CC2D2A: variants seen among roughly 807,000 people sequenced by gnomAD.
CC2D2A encodes coiled-coil and C2 domain-containing protein 2A.
CC2D2A carries 155 observed loss-of-function variants against 212.9 expected under a neutral mutation model. That is an observed-to-expected ratio of 0.73 (90% CI 0.64 to 0.83). The LOEUF (loss-of-function observed/expected upper bound fraction) is 0.83, where lower values mean the gene tolerates loss of function less well. CC2D2A is among the 40% of genes least tolerant of loss of function. The pLI, the probability that CC2D2A is intolerant of heterozygous loss-of-function variation, is 0.00. For missense variants in CC2D2A, 1,856 were observed against 1,956.2 expected (o/e 0.95, Z 0.97); for synonymous variants, 667 against 686.5 (o/e 0.97, Z 0.44).
Position 15,479,024 on chromosome 4 carries a change from G to T in CC2D2A, c.123+218G>T, listed in dbSNP as rs139952452. 2.0e-5 allele frequency among the ~76,000 whole-genome samples: 3 copies of T among 152,206 alleles called. No individual in the cohort carries two copies. In the East Asian group the frequency reaches 5.8e-4, roughly 29 times the overall value. On this transcript the variant is annotated intron_variant, in intron 3 of 36. Coordinates refer to ENST00000424120, the MANE Select transcript of CC2D2A (RefSeq NM_001378615.1). ...AGATGAGCCTCACAATAAGGCGGGGGTCCATACTTAGAGCATTTTTACTCT... is the reference window on the plus strand; with the variant it reads ...AGATGAGCCTCACAATAAGGCGGGGTTCCATACTTAGAGCATTTTTACTCT...
At chr4:15,558,503 G>A (rs1719403190) in intron 21 of CC2D2A, among the ~76,000 whole-genome samples, 1 of 151,926 alleles carries the variant, frequency 6.6e-6, no homozygotes, top group South Asian at 2.1e-4. Context: ...TTGATGTGTT[G>A]GCATCATGCT....
chr4:15,522,884 C>T (rs1251901822), intron 11 of CC2D2A, among the ~76,000 whole-genome samples: 2 of 151,558 alleles, frequency 1.3e-5, no homozygotes, highest in African/African-American at 4.8e-5. Flanking sequence ...TTTGGGAGGC[C>T]GAGGTGGGCA....
intron 31 of CC2D2A, among the ~76,000 whole-genome samples, chr4:15,586,658 T>C (rs369729684): frequency 6.6e-6 from 1 of 152,202 alleles, no homozygotes; most frequent in East Asian, 1.9e-4. Flanking sequence ...ACTTACCACA[T>C]ACCAGATGCT....
At chr4:15,600,911 A>AG (rs1721559974) in intron 36 of CC2D2A, among the ~76,000 whole-genome samples, 3 of 129,140 alleles carry the variant, frequency 2.3e-5, no homozygotes, top group African/African-American at 8.2e-5. Context: ...CTCAAAAAAA[A>AG]AAAAAAAAAA....
At chr4:15,481,831 G>A (rs767498520) in intron 4 of CC2D2A, 4 of 985,436 alleles carry the variant, frequency 4.1e-6, no homozygotes, top group Admixed American at 1.2e-4. Flanking sequence ...AGATGAAATT[G>A]TTAGGGAAGA....
chr4:15,574,493 G>C (rs530180342), intron 29 of CC2D2A, among the ~76,000 whole-genome samples, 167 bp downstream of exon 29: 2 of 152,192 alleles, frequency 1.3e-5, no homozygotes, highest in Non-Finnish European at 1.5e-5. Flanking sequence ...GAAAACAGAT[G>C]TGTGGGTTTG....
At chr4:15,490,774 C>T (rs1715255505) in intron 4 of CC2D2A, among the ~76,000 whole-genome samples, 1 of 152,104 alleles carries the variant, frequency 6.6e-6, no homozygotes, top group Admixed American at 6.5e-5. Flanking sequence ...CACAAGCAGA[C>T]AGCCTGGCGC....
chr4:15,601,404 C>T lies in CC2D2A; in HGVS notation c.4842C>T (p.Ala1614=). The change falls in exon 37 of 37, where the codon GCC becomes GCT. Residue 1614 remains alanine (A), a synonymous_variant. Transcript: ENST00000424120. ...KNVLSVWIYV[A]SLIRNR is the part of the protein sequence containing the mutation. ...TTTTGTCTGTTTGGATCTATGTTGC[C>T]TCTCTTATACGCAACAGGTAATTTT... The T allele has an allele frequency of 6.6e-7, 1 of 1,516,448 alleles. No individual in the cohort carries two copies. 93.9% of individuals were successfully genotyped at this position (1,516,448 alleles called of 1,614,324 possible). A position where few individuals can be genotyped will look rare whatever the true frequency, so the allele number is the denominator to read the frequency against.
intron 4 of CC2D2A, among the ~76,000 whole-genome samples, chr4:15,491,558 C>T (rs889723179): frequency 1.3e-5 from 2 of 152,178 alleles, no homozygotes; most frequent in Non-Finnish European, 2.9e-5. Flanking sequence ...GTGCTCACCA[C>T]CACATCCAGC....
At chr4:15,490,162 A>G (rs779730623) in intron 4 of CC2D2A, among the ~76,000 whole-genome samples, 1 of 152,252 alleles carries the variant, frequency 6.6e-6, no homozygotes, top group African/African-American at 2.4e-5. Flanking sequence ...TATAACTTAC[A>G]TATCATAAAA....
At position 15,522,507 on chromosome 4, in the gene CC2D2A, TG is replaced by T. The variant is rs1405674622; in HGVS notation, c.1150-4939del. Among the ~76,000 whole-genome samples the T allele has an allele frequency of 1.3e-4, 19 of 143,460 alleles. No homozygotes were observed. In the East Asian group the frequency reaches 3.2e-3, roughly 24 times the overall value. 94.1% of individuals were successfully genotyped at this position (143,460 alleles called of 152,430 possible). On this transcript the variant is annotated intron_variant, in intron 11 of 36. Transcript: ENST00000424120. ...TGGTATTCAGCCCTGCCTTTTTGAA[TG>T]TTTTTTTTTTTTAATTACAGAGGGG...
Position 15,563,357 on chromosome 4 carries a change from T to A in CC2D2A, c.3017T>A (p.Ile1006Asn), listed in dbSNP as rs754619415. 2.5e-6 allele frequency: 4 copies of A among 1,599,862 alleles called. No homozygotes were observed. The highest frequency in any genetic ancestry group is 3.4e-6 in the Non-Finnish European group (4 of 1,172,708). The change falls in exon 24 of 37, where the codon ATT becomes AAT. Residue 1006 changes from isoleucine (I) to asparagine (N), a missense_variant and splice_region_variant. By Grantham distance (149) the Ile-to-Asn change is moderately radical. This residue lies in a region of CC2D2A where 1,512 missense variants were observed against 1,579.3 expected (regional missense o/e 0.96). Transcript: ENST00000424120. The stretch of plus-strand genomic sequence containing the variant: ...TGATCCTGTTCTGTAATCATTAGCA[T>A]TTTGGGCCTAAGCCTTTTCAAGCTG... ...IVEEEVPNIS[I>N]LGLSLFKLAE...
At chr4:15,480,347 C>A (rs532145889) in intron 3 of CC2D2A, among the ~76,000 whole-genome samples, 3 of 152,136 alleles carry the variant, frequency 2.0e-5, no homozygotes, top group Non-Finnish European at 4.4e-5. Context: ...CCTGAATTAC[C>A]CAGTAACACT....
At chr4:15,474,265 T>C (rs574742603) in intron 1 of CC2D2A, among the ~76,000 whole-genome samples, 1 of 152,340 alleles carries the variant, frequency 6.6e-6, no homozygotes, top group South Asian at 2.1e-4. Flanking sequence ...AAAGAAGGGA[T>C]GGGTCACTTT....
chr4:15,505,318 AAC>A (rs1475123085), intron 6 of CC2D2A, among the ~76,000 whole-genome samples: 3 of 152,232 alleles, frequency 2.0e-5, no homozygotes, highest in African/African-American at 7.2e-5. Context: ...AGAACACATA[AAC>A]ATCAAAGTAG....
chr4:15,601,252 C>G lies in CC2D2A; in HGVS notation c.4690C>G (p.Leu1564Val). The G allele has an allele frequency of 1.9e-6, 3 of 1,612,590 alleles. No individual in the cohort carries two copies. Among genetic ancestry groups the G allele is most frequent in the Non-Finnish European group, 2.5e-6 (3 of 1,179,156 alleles). Residue 1564 changes from leucine to valine, a missense_variant, in exon 37 of 37, where the codon CTT (leucine) becomes GTT (valine). Around this residue, in one of 5 missense-constraint regions of CC2D2A, gnomAD observed 285 missense variants for 278.4 expected, o/e 1.02. Transcript: ENST00000424120. ...LGDYRFSGFP[L>V]HMPYSEVKPL... ...TTCCCTTCAGTTCTCTGGATTTCCTCTTCACATGCCTTATTCTGAAGTGAA... is the reference window on the plus strand; with the variant it reads ...TTCCCTTCAGTTCTCTGGATTTCCTGTTCACATGCCTTATTCTGAAGTGAA...
chr4:15,478,865 T>TC, intron 3 of CC2D2A, 59 bp downstream of exon 3: 1 of 1,339,718 alleles, frequency 7.5e-7, no homozygotes, highest in South Asian at 1.3e-5. Context: ...CCCGCCTGCA[T>TC]CCCCAGGGCC....
At chr4:15,532,968 A>G (rs1717925123) in intron 13 of CC2D2A, among the ~76,000 whole-genome samples, 1 of 152,236 alleles carries the variant, frequency 6.6e-6, no homozygotes, top group Non-Finnish European at 1.5e-5. Context: ...AAATTTTTTA[A>G]GTACTTAAAG....
chr4:15,538,001 G>C lies in CC2D2A; in HGVS notation c.1867G>C (p.Glu623Gln). ...GGACCTTGTGAAGCCCAGCCCTCCAGAGCCCACTGATCGGGCAGTGATAGA... is the reference window on the plus strand; with the variant it reads ...GGACCTTGTGAAGCCCAGCCCTCCACAGCCCACTGATCGGGCAGTGATAGA... The part of the protein sequence containing the change: ...EEDLVKPSPP[E>Q]PTDRAVIEQE... Residue 623 changes from glutamate to glutamine, a missense_variant, in exon 16 of 37, where the codon GAG (glutamate) becomes CAG (glutamine). By Grantham distance (29) the Glu-to-Gln change is conservative. Transcript: ENST00000424120. 1.2e-6 allele frequency: 2 copies of C among 1,609,780 alleles called. No individual in the cohort carries two copies. The highest frequency in any genetic ancestry group is 1.3e-5 in the African/African-American group (1 of 74,972).
Sources: gnomAD v4.1 joint callset for allele counts (sites outside exome capture counted in the v4.1 genomes callset) on GRCh38, gnomAD v4.1.1 for gene constraint, gnomAD v4.1.1 regional missense constraint, MANE v1.5 for transcripts, NCBI Gene and HGNC (gene_info 2026-07-23, HGNC 2026-07-21) for gene names.